Variants in UNC5D observed in about 807,000 individuals in gnomAD.
The protein encoded by UNC5D is netrin receptor UNC5D.
Under a neutral mutation model 105.4 loss-of-function variants are expected in UNC5D, and 39 were observed. The observed-to-expected ratio is 0.37, with a 90% CI of 0.29 to 0.48. UNC5D has a LOEUF of 0.48. UNC5D is among the 20% of genes least tolerant of loss of function. UNC5D has a pLI of 0.98. For missense variants in UNC5D, 991 were observed against 1,202.4 expected (o/e 0.82, Z 2.60); for synonymous variants, 452 against 450.4 (o/e 1.00, Z -0.04).
chr8:35,699,771 T>C (rs1485757921), intron 7 of UNC5D, among the ~76,000 whole-genome samples: 3 of 152,154 alleles, frequency 2.0e-5, no homozygotes, highest in Non-Finnish European at 2.9e-5. Flanking sequence ...ACTAACCTAG[T>C]ACTAAGTGGG....
chr8:35,365,284 GA>G (rs1189535880), intron 1 of UNC5D, among the ~76,000 whole-genome samples: 1 of 151,920 alleles, frequency 6.6e-6, no homozygotes, highest in Non-Finnish European at 1.5e-5. Context: ...CAGATGCATA[GA>G]TTTTTTTTAT....
intron 1 of UNC5D, among the ~76,000 whole-genome samples, chr8:35,459,800 T>C (rs1254650021): frequency 6.6e-6 from 1 of 152,200 alleles, no homozygotes; most frequent in Non-Finnish European, 1.5e-5. Flanking sequence ...TAATGAGCCT[T>C]GTGTTTTGAT....
intron 15 of UNC5D, among the ~76,000 whole-genome samples, chr8:35,773,687 A>C (rs931345821): frequency 2.0e-5 from 3 of 151,672 alleles, no homozygotes; most frequent in African/African-American, 7.3e-5. Flanking sequence ...ACAGAAAAAG[A>C]GTCTAATTCT....
At chr8:35,410,077 G>A (rs1805067421) in intron 1 of UNC5D, among the ~76,000 whole-genome samples, 1 of 151,776 alleles carries the variant, frequency 6.6e-6, no homozygotes, top group Admixed American at 6.6e-5. Flanking sequence ...CTACCACCAT[G>A]GGAACTCTCC....
At chr8:35,731,200 A>C (rs1285196279) in intron 11 of UNC5D, 104 bp downstream of exon 11, 11 of 1,085,790 alleles carry the variant, frequency 1.0e-5, no homozygotes, top group Non-Finnish European at 1.5e-5. Flanking sequence ...GGAGTTCGAG[A>C]CCAGCCTGGC....
Position 35,400,227 on chromosome 8 carries a change from T to A in UNC5D, c.104-149065T>A, listed in dbSNP as rs893411850. On this transcript the variant is annotated intron_variant, in intron 1 of 16. Transcript: ENST00000404895. ...GTAAGCCACTTTTAGTTGAGATCCT[T>A]TTTTTTTTAACGGAAAAAATGCTGA... 4.0e-5 allele frequency among the ~76,000 whole-genome samples: 6 copies of A among 149,776 alleles called. No homozygotes were observed. The Admixed American group carries it at 4.0e-4, about 10-fold the overall frequency.
chr8:35,614,936 G>GTGA (rs1232711837), intron 4 of UNC5D, among the ~76,000 whole-genome samples: 1 of 151,610 alleles, frequency 6.6e-6, no homozygotes, highest in Non-Finnish European at 1.5e-5. Context: ...TCAGCTGAGT[G>GTGA]TGATGGCTCA....
rs538737903 is a variant in UNC5D, at chr8:35,275,497, G to A, written c.103+39610G>A. Among the ~76,000 whole-genome samples, 21 of 152,178 alleles carry A rather than the reference G, an allele frequency of 1.4e-4. No individual in the cohort carries two copies. In the South Asian group the frequency reaches 3.3e-3, roughly 24 times the overall value. ...GTTTTCTTTTCTCTGGGGCAATATC[G>A]GTGAAATCTTTTATTCATTTTCTTA... On this transcript the variant is annotated intron_variant, in intron 1 of 16. Transcript: ENST00000404895.
intron 1 of UNC5D, among the ~76,000 whole-genome samples, chr8:35,412,909 G>A (rs1805266561): frequency 6.6e-6 from 1 of 152,082 alleles, no homozygotes; most frequent in Admixed American, 6.6e-5. Flanking sequence ...ATTCTTTGGA[G>A]AGGAAGTCAG....
intron 3 of UNC5D, among the ~76,000 whole-genome samples, chr8:35,581,010 A>C (rs573528521): frequency 3.3e-4 from 51 of 152,302 alleles, no homozygotes; most frequent in African/African-American, 1.1e-3. Context: ...GTGCACTTTC[A>C]GAGTGACTCC....
chr8:35,322,549 C>A (rs765574401), intron 1 of UNC5D, among the ~76,000 whole-genome samples: 2 of 152,094 alleles, frequency 1.3e-5, no homozygotes, highest in Non-Finnish European at 2.9e-5. Context: ...TTTTTTGCTT[C>A]CCCTAGGGGA....
At chr8:35,389,178 G>T (rs1803615149) in intron 1 of UNC5D, among the ~76,000 whole-genome samples, 2 of 152,144 alleles carry the variant, frequency 1.3e-5, no homozygotes, top group African/African-American at 4.8e-5. Context: ...CAAAACCTTG[G>T]GGTCCATTTC....
intron 15 of UNC5D, among the ~76,000 whole-genome samples, chr8:35,770,180 G>A (rs971639426): frequency 2.0e-5 from 3 of 152,152 alleles, no homozygotes; most frequent in Admixed American, 2.0e-4. Flanking sequence ...AGACATTTAG[G>A]TGGTTTAATA....
intron 3 of UNC5D, among the ~76,000 whole-genome samples, chr8:35,589,845 T>C (rs1379261792): frequency 6.6e-6 from 1 of 152,216 alleles, no homozygotes. Context: ...TCCTTTTTAT[T>C]GCTAAACAGA....
intron 1 of UNC5D, among the ~76,000 whole-genome samples, chr8:35,444,124 G>A (rs1199514206): frequency 4.0e-5 from 6 of 151,786 alleles, no homozygotes; most frequent in Non-Finnish European, 7.4e-5. Context: ...CTGAATGTTC[G>A]TCCTCCATAC....
intron 15 of UNC5D, among the ~76,000 whole-genome samples, chr8:35,773,850 G>A (rs1027616146): frequency 1.3e-5 from 2 of 152,060 alleles, no homozygotes; most frequent in Non-Finnish European, 2.9e-5. Flanking sequence ...AGCCTCCCCA[G>A]TAGCTGTGAT....
intron 14 of UNC5D, among the ~76,000 whole-genome samples, chr8:35,765,362 GT>G (rs1351534732): frequency 6.6e-6 from 1 of 152,216 alleles, no homozygotes; most frequent in Non-Finnish European, 1.5e-5. Context: ...CAGGAATGAA[GT>G]CCGTGAAATG....
At chr8:35,544,555 GA>G in intron 1 of UNC5D, 1 of 1,539,486 alleles carries the variant, frequency 6.5e-7, no homozygotes, top group Non-Finnish European at 8.8e-7. Context: ...GAACAAACAG[GA>G]AAAAGGACAG....
In UNC5D at chr8:35,467,766, A is replaced by G. The variant is rs185095133; in HGVS notation, c.104-81526A>G. On this transcript the variant is annotated intron_variant, in intron 1 of 16. Transcript: ENST00000404895. ...GTGGAGGGAATAGAACTCATTCAAG[A>G]TTACCAAGCACTATCTTCCAACAAG... 4.8e-3 allele frequency among the ~76,000 whole-genome samples: 733 copies of G among 152,214 alleles called. 7 individuals carry two copies. Among genetic ancestry groups the G allele is most frequent in the Non-Finnish European group, 7.1e-3 (481 of 67,994 alleles).
Sources: gnomAD v4.1 joint callset for allele counts (sites outside exome capture counted in the v4.1 genomes callset) on GRCh38, gnomAD v4.1.1 for gene constraint, MANE v1.5 for transcripts, NCBI Gene and HGNC (gene_info 2026-07-23, HGNC 2026-07-21) for gene names.